AMPD2: variants seen among roughly 807,000 people sequenced by gnomAD.
The protein encoded by AMPD2 is adenosine monophosphate deaminase 2, also known as AMP deaminase 2.
In AMPD2, 52 loss-of-function variants were observed where a neutral mutation model predicts 91.3. The ratio of observed to expected loss-of-function variants is 0.57; its 90% CI spans 0.46 to 0.72. The LOEUF (loss-of-function observed/expected upper bound fraction) is 0.72. Ranked by LOEUF, AMPD2 falls within the 30% of genes least tolerant of loss-of-function variation. The pLI is 0.00. For missense variants in AMPD2, 822 were observed against 1,122.3 expected (o/e 0.73, Z 3.82); for synonymous variants, 455 against 456.4 (o/e 1.00, Z 0.04).
At chr1:109,627,635 C>A in intron 9 of AMPD2, 117 bp downstream of exon 9, 1 of 1,516,652 alleles carries the variant, frequency 6.6e-7, no homozygotes, top group South Asian at 1.2e-5. Context: ...GCTGAGCCCT[C>A]GACTTCCCCG....
At position 109,621,075 on chromosome 1, in the gene AMPD2, T is replaced by TC. The variant is rs1650205665; in HGVS notation, c.-98dup. 1 of 1,609,956 alleles carries TC rather than the reference T, an allele frequency of 6.2e-7. No homozygotes were observed. The highest frequency in any genetic ancestry group is 1.3e-5 in the African/African-American group (1 of 74,830). On this transcript the variant is annotated 5_prime_UTR_variant, in exon 2 of 19. Transcript: ENST00000528667. ...AGCCGCTGCTTCCTGCATCAGTCAC[T>TC]CCCGCTGGGGGCGGGGCGGAGGAAG...
chr1:109,620,686 TG>T (rs1650170877), intron 1 of AMPD2: 13 of 1,206,428 alleles, frequency 1.1e-5, no homozygotes, highest in Non-Finnish European at 1.3e-5. Flanking sequence ...ATGCCTGCCC[TG>T]CCCCGGGAGG....
rs575582124 is a variant in AMPD2, at chr1:109,626,324, A to G, written c.428A>G (p.Tyr143Cys). ...KTDSDSDLQL[Y>C]KEQGEGQGDR... ...CTTGAATGCACCCCCTGCAGGCTCTACAAGGAACAGGGTGAGGGGCAGGGT... is the reference window on the plus strand; with the variant it reads ...CTTGAATGCACCCCCTGCAGGCTCTGCAAGGAACAGGGTGAGGGGCAGGGT... The change falls in exon 6 of 19, where the codon TAC becomes TGC. Residue 143 changes from tyrosine to cysteine, a missense_variant. Physicochemically the swap from Tyr to Cys is radical, Grantham distance 194. Transcript: ENST00000528667. 18 of 1,613,588 alleles carry G rather than the reference A, an allele frequency of 1.1e-5. No individual in the cohort carries two copies. The East Asian group carries it at 3.6e-4, about 32-fold the overall frequency.
chr1:109,630,755 G>C lies in AMPD2; in HGVS notation c.2230G>C (p.Ala744Pro). 1 of 1,611,608 alleles carries C rather than the reference G, an allele frequency of 6.2e-7. No homozygotes were observed. Among genetic ancestry groups the C allele is most frequent in the East Asian group, 2.2e-5 (1 of 44,758 alleles). ...CAGCTCCTGCGATATGTGTGAGCTG[G>C]CCCGCAACAGCGTGCTCATGAGCGG... is the stretch of plus-strand genomic sequence containing the variant. ...KLSSCDMCEL[A>P]RNSVLMSGFS... Residue 744 changes from alanine to proline, a missense_variant, in exon 18 of 19, where the codon GCC becomes CCC. By Grantham distance (27) the Ala-to-Pro change is conservative (BLOSUM62 -1). Transcript: ENST00000528667.
Position 109,625,897 on chromosome 1 carries a change from A to C in AMPD2, c.353+105A>C. ...TCGCACCCTGCCTTGGGGGGTCTGC[A>C]CAGGGAGCATAGAGTGGGCTTTGGA... On this transcript the variant is annotated intron_variant, in intron 4 of 18. Coordinates refer to ENST00000528667, the MANE Select transcript of AMPD2 (RefSeq NM_001368809.2). This position sits in a 1 kb window ranked among gnomAD's most constrained non-coding sequence, Gnocchi z 4.0. 1 of 1,516,844 alleles carries C rather than the reference A, an allele frequency of 6.6e-7. No individual in the cohort carries two copies. The highest frequency in any genetic ancestry group is 8.9e-7 in the Non-Finnish European group (1 of 1,123,770). The allele number at this position is 1,516,844 out of a possible 1,614,324, so 94.0% of individuals were successfully genotyped here. A position where few individuals can be genotyped will look rare whatever the true frequency, so the allele number is the denominator to read the frequency against.
intron 1 of AMPD2, chr1:109,620,643 G>C (rs552327824): frequency 2.5e-6 from 3 of 1,205,404 alleles, no homozygotes; most frequent in East Asian, 8.5e-5. Context: ...GGTCAGATGT[G>C]GAAGGAAAGT....
Position 109,621,282 on chromosome 1 carries a change from C to T in AMPD2, c.91+16C>T, listed in dbSNP as rs1650232000. The T allele has an allele frequency of 6.2e-7, 1 of 1,611,536 alleles. No individual in the cohort carries two copies. The highest frequency in any genetic ancestry group is 8.5e-7 in the Non-Finnish European group (1 of 1,178,972). ...GCAGCTCCAGGTGAGTGTGTGCTTC[C>T]TGGCCTCAGGATAGATGCTGGGCTC... On this transcript the variant is annotated intron_variant, in intron 2 of 18. Coordinates refer to ENST00000528667, the MANE Select transcript of AMPD2 (RefSeq NM_001368809.2).
intron 2 of AMPD2, chr1:109,622,055 C>T: frequency 5.3e-6 from 2 of 377,518 alleles, no homozygotes; most frequent in Non-Finnish European, 1.1e-5. Context: ...TGTCTGCTCC[C>T]AGGCCTTGTG....
chr1:109,627,011 A>G (rs1650747998), intron 7 of AMPD2, 99 bp downstream of exon 7: 2 of 1,542,654 alleles, frequency 1.3e-6, no homozygotes, highest in Non-Finnish European at 1.8e-6. Context: ...TCTCCCTACA[A>G]CCCAGGCTCA....
chr1:109,628,477 C>T lies in AMPD2; in HGVS notation c.1389C>T (p.Tyr463=). ...CGGACAACAGGGTATCTGGGAAGTACTTTGCTCACATCATCAAGGTAAGGA... is the reference window on the plus strand; with the variant it reads ...CGGACAACAGGGTATCTGGGAAGTATTTTGCTCACATCATCAAGGTAAGGA... ...IKTDNRVSGK[Y]FAHIIKEVMS... is the part of the protein sequence containing the mutation. The change falls in exon 12 of 19, where the codon TAC becomes TAT. Residue 463 remains tyrosine (Y), a synonymous_variant. Transcript: ENST00000528667. This position sits in a 1 kb window ranked among gnomAD's most constrained non-coding sequence, Gnocchi z 7.1. 1.9e-6 allele frequency: 3 copies of T among 1,612,734 alleles called. No individual in the cohort carries two copies. Among genetic ancestry groups the T allele is most frequent in the African/African-American group, 1.3e-5 (1 of 75,026 alleles).
At position 109,620,135 on chromosome 1, in the gene AMPD2, C is replaced by A; in HGVS notation, c.-406C>A. 7.9e-7 allele frequency: 1 copy of A among 1,272,606 alleles called. No individual in the cohort carries two copies. The highest frequency in any genetic ancestry group is 1.1e-6 in the Non-Finnish European group (1 of 877,794). The allele number at this position is 1,272,606 out of a possible 1,614,324, so 78.8% of individuals were successfully genotyped here. A position where few individuals can be genotyped will look rare whatever the true frequency, so the allele number is the denominator to read the frequency against. ...TGAAAGACTGCCTTACTTTCCCCAT[C>A]TCAGTGCCAGGGCAGGGGCCCTTGG... On this transcript the variant is annotated 5_prime_UTR_variant, in exon 1 of 19. Transcript: ENST00000528667.
rs1266062321 is a variant in AMPD2 at position 109,627,310 on chromosome 1, A to G, written c.854A>G (p.Asp285Gly). ...VVHVYTRREP[D>G]EHCSEVELPY... ...CACGTCTACACCCGCAGGGAACCCG[A>G]CGAGCAGTAAGAGGGGTGTGGTGCA... Residue 285 changes from aspartate (D) to glycine (G), a missense_variant, in exon 8 of 19, where the codon GAC becomes GGC. By Grantham distance (94) the Asp-to-Gly change is moderately conservative. Around this residue, in one of 5 missense-constraint regions of AMPD2, gnomAD observed 240 missense variants for 270.3 expected, o/e 0.89. Transcript: ENST00000528667. 1 of 1,604,712 alleles carries G rather than the reference A, an allele frequency of 6.2e-7. No homozygotes were observed. The highest frequency in any genetic ancestry group is 2.2e-5 in the East Asian group (1 of 44,672).
At chr1:109,626,564 C>A in intron 6 of AMPD2, 137 bp downstream of exon 6, 1 of 1,303,364 alleles carries the variant, frequency 7.7e-7, no homozygotes, top group Non-Finnish European at 1.1e-6. Flanking sequence ...GGCAGAGGGG[C>A]TGCCTAGGAG....
rs1158054098 is a variant in AMPD2, at chr1:109,628,255, T to TGGAC, written c.1254_1257dup (p.Thr420GlyfsTer16). 1 of 1,613,632 alleles carries TGGAC rather than the reference T, an allele frequency of 6.2e-7. No homozygotes were observed. Among genetic ancestry groups the TGGAC allele is most frequent in the Non-Finnish European group, 8.5e-7 (1 of 1,179,824 alleles). Reference sequence around the variant, plus strand: ...AATCTCACGGCCTACGACCTGAGTGTGGACACGCTGGATGTGCATGCGGTC... The same window carrying TGGAC: ...AATCTCACGGCCTACGACCTGAGTGTGGACGGACACGCTGGATGTGCATGCGGTC... On this transcript the variant is annotated frameshift_variant, in exon 11 of 19. Transcript: ENST00000528667. LOFTEE classifies it high-confidence loss of function. This position sits in a 1 kb window ranked among gnomAD's most constrained non-coding sequence, Gnocchi z 7.1.
chr1:109,628,296 G>A lies in AMPD2; in HGVS notation c.1275+19G>A. The A allele has an allele frequency of 6.2e-7, 1 of 1,612,930 alleles. No individual in the cohort carries two copies. ...GCATGCGGTCTGTGCCAGTGGCGTGGGCTGTGGGACTGAGTCAGTCAGGGG... is the reference window on the plus strand; with the variant it reads ...GCATGCGGTCTGTGCCAGTGGCGTGAGCTGTGGGACTGAGTCAGTCAGGGG... On this transcript the variant is annotated intron_variant, in intron 11 of 18. Coordinates refer to ENST00000528667, the MANE Select transcript of AMPD2 (RefSeq NM_001368809.2). This position sits in a 1 kb window ranked among gnomAD's most constrained non-coding sequence, Gnocchi z 7.1.
Position 109,628,163 on chromosome 1 carries a change from C to T in AMPD2, c.1161C>T (p.His387=). ...LRFIKRAMKR[H]LEEIVHVEQG... is the part of the protein sequence containing the mutation. Reference sequence around the variant, plus strand: ...TCATCAAGCGGGCAATGAAGCGGCACCTGGAGGAGATCGTGCACGTGGAGC... The same window carrying T: ...TCATCAAGCGGGCAATGAAGCGGCATCTGGAGGAGATCGTGCACGTGGAGC... Residue 387 remains histidine, a synonymous_variant, in exon 11 of 19, where the codon CAC becomes CAT. Transcript: ENST00000528667. This position sits in a 1 kb window ranked among gnomAD's most constrained non-coding sequence, Gnocchi z 7.1. The T allele has an allele frequency of 6.2e-7, 1 of 1,614,100 alleles. No homozygotes were observed. The highest frequency in any genetic ancestry group is 8.5e-7 in the Non-Finnish European group (1 of 1,180,048).
At chr1:109,630,083 TG>T in intron 16 of AMPD2, 149 bp from the exon 17 acceptor site, 2 of 1,344,970 alleles carry the variant, frequency 1.5e-6, no homozygotes, top group Non-Finnish European at 2.1e-6. Context: ...GGCCCCAACT[TG>T]GATTTTGACT....
chr1:109,630,477 G>A (rs748118199), intron 17 of AMPD2, 71 bp downstream of exon 17: 4 of 1,325,416 alleles, frequency 3.0e-6, no homozygotes, highest in Non-Finnish European at 3.1e-6. Context: ...TGGGTGGGGG[G>A]CGGTGGGGGG....
Position 109,620,283 on chromosome 1 carries a change from G to C in AMPD2, c.-263+5G>C. The stretch of plus-strand genomic sequence containing the variant: ...ACTCGGGCATCATGGCCTCAGGTGA[G>C]TGTGTGTACGTGTGTTGGAGGGAGG... On this transcript the variant is annotated splice_donor_5th_base_variant and intron_variant, in intron 1 of 18. Coordinates refer to ENST00000528667, the MANE Select transcript of AMPD2 (RefSeq NM_001368809.2). The C allele has an allele frequency of 1.2e-6, 2 of 1,614,014 alleles. No individual in the cohort carries two copies. Among genetic ancestry groups the C allele is most frequent in the Non-Finnish European group, 1.7e-6 (2 of 1,179,904 alleles).
Sources: gnomAD v4.1 joint callset for allele counts on GRCh38, gnomAD v4.1.1 for gene constraint, gnomAD v4.1.1 regional missense constraint, Gnocchi (gnomAD v3.1) non-coding constraint, MANE v1.5 for transcripts, NCBI Gene and HGNC (gene_info 2026-07-23, HGNC 2026-07-21) for gene names.